Variants in ERC1 observed in about 807,000 individuals in gnomAD.
The protein encoded by ERC1 is ELKS/RAB6-interacting/CAST family member 1, also known as RAB6 interacting protein 2.
ERC1 carries 56 observed loss-of-function variants against 132.0 expected under a neutral mutation model. The observed-to-expected ratio is 0.42, with a 90% CI of 0.34 to 0.53. ERC1 has a LOEUF of 0.53. Ranked by LOEUF, ERC1 falls within the 20% of genes least tolerant of loss-of-function variation. ERC1 has a pLI of 0.03. For missense variants in ERC1, 1,202 were observed against 1,349.9 expected (o/e 0.89, Z 1.72); for synonymous variants, 478 against 476.1 (o/e 1.00, Z -0.05).
At chr12:1,212,116 C>T (rs1169618628) in intron 12 of ERC1, among the ~76,000 whole-genome samples, 1 of 152,080 alleles carries the variant, frequency 6.6e-6, no homozygotes, top group Non-Finnish European at 1.5e-5. Flanking sequence ...CTGATTATAT[C>T]ACTTCCTTAT....
chr12:1,141,853 T>G (rs532618224), intron 8 of ERC1, 66 bp downstream of exon 8: 7 of 1,222,018 alleles, frequency 5.7e-6, no homozygotes, highest in Non-Finnish European at 6.6e-6. Context: ...ACCACTAAGT[T>G]ATTTCTAAAT....
chr12:1,202,302 A>G (rs1016520183), intron 12 of ERC1, among the ~76,000 whole-genome samples: 8 of 152,316 alleles, frequency 5.3e-5, no homozygotes, highest in Non-Finnish European at 5.9e-5. Context: ...ACCTAAAAGT[A>G]TAAAGATTAG....
intron 13 of ERC1, among the ~76,000 whole-genome samples, chr12:1,251,241 T>C (rs1016780097): frequency 2.3e-4 from 35 of 152,272 alleles, no homozygotes; most frequent in African/African-American, 6.0e-4. Context: ...ATACTATTTC[T>C]AGAAATAGTA....
At chr12:1,252,767 A>G (rs1308976808) in intron 13 of ERC1, among the ~76,000 whole-genome samples, 3 of 152,192 alleles carry the variant, frequency 2.0e-5, no homozygotes, top group East Asian at 3.8e-4. Context: ...TGTGTAACCA[A>G]ATTCTGTCTC....
intron 2 of ERC1, among the ~76,000 whole-genome samples, chr12:1,040,358 G>A (rs1203375856): frequency 7.9e-6 from 1 of 127,014 alleles, no homozygotes; most frequent in Non-Finnish European, 1.6e-5. Flanking sequence ...GTCTCGCTCT[G>A]TCAACCAGGC....
At chr12:1,096,006 G>A (rs918859320) in intron 3 of ERC1, among the ~76,000 whole-genome samples, 4 of 151,404 alleles carry the variant, frequency 2.6e-5, no homozygotes, top group Non-Finnish European at 4.4e-5. Context: ...GCTCATTGCG[G>A]CCTCCACCTC....
intron 12 of ERC1, among the ~76,000 whole-genome samples, chr12:1,225,038 AC>A (rs2154297037): frequency 6.6e-6 from 1 of 152,290 alleles, no homozygotes; most frequent in South Asian, 2.1e-4. Context: ...AAAGAAAAAA[AC>A]ATGCTTAATT....
intron 8 of ERC1, among the ~76,000 whole-genome samples, chr12:1,149,062 T>G (rs1226114708): frequency 6.6e-6 from 1 of 152,032 alleles, no homozygotes; most frequent in Non-Finnish European, 1.5e-5. Context: ...AAAATAGAGA[T>G]AGCTTTAAAT....
At position 1,261,657 on chromosome 12, in the gene ERC1, G is replaced by GTTTGTTTTGT. The variant is rs778822498; in HGVS notation, c.2488-1369_2488-1368insGTTTTGTTTT. Among the ~76,000 whole-genome samples, 622 of 151,476 alleles carry GTTTGTTTTGT rather than the reference G, an allele frequency of 4.1e-3. 2 individuals are homozygous for GTTTGTTTTGT. The highest frequency in any genetic ancestry group is 0.014 in the African/African-American group (574 of 40,858). The stretch of plus-strand genomic sequence containing the variant: ...GGGAAGGAAGAGCTCAACAAACAAC[G>GTTTGTTTTGT]TTTGTTTTCTTTTGTTTTGTTTTGT... On this transcript the variant is annotated intron_variant, in intron 13 of 18. Transcript: ENST00000360905.
intron 14 of ERC1, among the ~76,000 whole-genome samples, chr12:1,270,628 T>G (rs900277208): frequency 2.6e-5 from 4 of 151,820 alleles, no homozygotes; most frequent in African/African-American, 9.7e-5. Context: ...TTAATTAAAA[T>G]GTATTCATGT....
intron 15 of ERC1, among the ~76,000 whole-genome samples, chr12:1,325,644 A>G (rs1457940240): frequency 4.6e-5 from 7 of 152,162 alleles, no homozygotes; most frequent in Admixed American, 2.0e-4. Context: ...CACTTTTCAA[A>G]TTAGATATTT....
At chr12:1,140,015 A>G (rs1456728310) in intron 7 of ERC1, among the ~76,000 whole-genome samples, 1 of 152,198 alleles carries the variant, frequency 6.6e-6, no homozygotes, top group Non-Finnish European at 1.5e-5. Context: ...TTGAAGGAGC[A>G]TGGTAGAACT....
chr12:1,137,994 ATATT>A (rs1949439358), intron 7 of ERC1, among the ~76,000 whole-genome samples: 1 of 129,796 alleles, frequency 7.7e-6, no homozygotes, highest in Non-Finnish European at 1.6e-5. Context: ...TATATAATAT[ATATT>A]AATATATAAA....
intron 15 of ERC1, among the ~76,000 whole-genome samples, chr12:1,348,800 G>GT (rs2084728442): frequency 1.3e-5 from 2 of 152,240 alleles, no homozygotes; most frequent in African/African-American, 2.4e-5. Flanking sequence ...CGGAATGTAG[G>GT]TTTTTTGGTA....
rs377454664 is a variant in ERC1 at position 1,122,609 on chromosome 12, C to T, written c.1569+6576C>T. Among the ~76,000 whole-genome samples the T allele has an allele frequency of 4.2e-3, 27 of 6,448 alleles. 3 individuals are homozygous for T. The highest frequency in any genetic ancestry group is 0.022 in the South Asian group (2 of 92). The allele number at this position is 6,448 out of a possible 152,430, so 4.2% of individuals were successfully genotyped here. A position where few individuals can be genotyped will look rare whatever the true frequency, so the allele number is the denominator to read the frequency against. ...TCTCTATCTCTATCTGTGTCTCTAT[C>T]TCTATCTCTATCTGTGTCTCTATCT... On this transcript the variant is annotated intron_variant, in intron 7 of 18. Coordinates refer to ENST00000360905, the MANE Select transcript of ERC1 (RefSeq NM_178040.4).
At chr12:1,470,937 A>T (rs1047398939) in intron 18 of ERC1, among the ~76,000 whole-genome samples, 6 of 152,350 alleles carry the variant, frequency 3.9e-5, no homozygotes, top group Admixed American at 2.0e-4. Context: ...TTCCAGGGAC[A>T]TTTCTATACA....
chr12:1,262,776 C>T (rs1361432497), intron 13 of ERC1, among the ~76,000 whole-genome samples: 1 of 152,218 alleles, frequency 6.6e-6, no homozygotes, highest in Non-Finnish European at 1.5e-5. Context: ...GTTTTGTTCT[C>T]TCTGTTACAG....
At chr12:1,059,315 T>G (rs1973586219) in intron 2 of ERC1, among the ~76,000 whole-genome samples, 1 of 152,228 alleles carries the variant, frequency 6.6e-6, no homozygotes, top group Admixed American at 6.5e-5. Context: ...GCAATCTGGA[T>G]GCCCTTTATT....
intron 14 of ERC1, among the ~76,000 whole-genome samples, chr12:1,287,958 C>G (rs1349078075): frequency 6.6e-6 from 1 of 152,126 alleles, no homozygotes; most frequent in African/African-American, 2.4e-5. Flanking sequence ...AGTTTTTTTG[C>G]AGAAATTGAC....
Sources: allele counts gnomAD v4.1 joint callset (sites outside exome capture counted in the v4.1 genomes callset), GRCh38; gene constraint gnomAD v4.1.1; transcripts MANE v1.5; gene names NCBI Gene and HGNC (gene_info 2026-07-23, HGNC 2026-07-21).